The following COMMD1 variants were observed in gnomAD, a reference collection of about 807,000 sequenced individuals.
COMMD1 encodes the protein copper metabolism domain containing 1.
A neutral mutation model predicts 17.2 loss-of-function variants in COMMD1; 10 were observed. That is an observed-to-expected ratio of 0.58 (90% CI 0.36 to 0.99). COMMD1 has a LOEUF of 0.99. Ranked by LOEUF, COMMD1 falls within the 50% of genes least tolerant of loss-of-function variation. COMMD1 has a pLI of 0.01. For synonymous variants in COMMD1, 97 were observed against 91.6 expected (o/e 1.06, Z -0.34); for missense variants, 270 against 231.8 (o/e 1.17, Z -1.07).
Position 62,136,030 on chromosome 2 carries a change from G to A in COMMD1, c.*89G>A, listed in dbSNP as rs529035967. ...CTTTTCTAAGAAAATTCTTGTGCCC[G>A]CATTGGTATTAAATCCTCGCATTCA... On this transcript the variant is annotated 3_prime_UTR_variant, in exon 3 of 3. Coordinates refer to ENST00000311832, the MANE Select transcript of COMMD1 (RefSeq NM_152516.4). 58 of 748,612 alleles carry A rather than the reference G, an allele frequency of 7.7e-5. No individual in the cohort carries two copies. The Middle Eastern group carries it at 1.6e-3, about 21-fold the overall frequency. 46.4% of individuals were successfully genotyped at this position (748,612 alleles called of 1,614,324 possible). A position where few individuals can be genotyped will look rare whatever the true frequency, so the allele number is the denominator to read the frequency against.
intron 1 of COMMD1, among the ~76,000 whole-genome samples, chr2:61,891,457 C>T (rs1181496069): frequency 9.9e-5 from 15 of 152,116 alleles, no homozygotes; most frequent in Admixed American, 9.2e-4. Flanking sequence ...TAAACATGGC[C>T]GGGCGTGGTG....
At chr2:62,134,308 A>G in intron 2 of COMMD1, among the ~76,000 whole-genome samples, 1 of 152,336 alleles carries the variant, frequency 6.6e-6, no homozygotes, top group South Asian at 2.1e-4. Context: ...ACTGTCATCA[A>G]CAGAGGGACA....
chr2:62,031,791 A>G (rs1669913983), intron 2 of COMMD1, among the ~76,000 whole-genome samples: 1 of 152,216 alleles, frequency 6.6e-6, no homozygotes, highest in Non-Finnish European at 1.5e-5. Context: ...TTTGATCTCT[A>G]ACGAATTATA....
At chr2:62,117,258 A>G (rs1459566752) in intron 2 of COMMD1, among the ~76,000 whole-genome samples, 4 of 152,222 alleles carry the variant, frequency 2.6e-5, no homozygotes, top group African/African-American at 9.6e-5. Context: ...CATGCTAGAA[A>G]TCTACCAAAA....
At chr2:62,040,341 A>G (rs1215592481) in intron 2 of COMMD1, among the ~76,000 whole-genome samples, 1 of 152,208 alleles carries the variant, frequency 6.6e-6, no homozygotes, top group Non-Finnish European at 1.5e-5. Context: ...AAGGTCATAC[A>G]AGTTAGTAGC....
At chr2:61,920,985 T>TA in intron 1 of COMMD1, among the ~76,000 whole-genome samples, 1 of 112,608 alleles carries the variant, frequency 8.9e-6, no homozygotes, top group East Asian at 2.5e-4. Flanking sequence ...ATATATATTT[T>TA]TTTTTTTTTT....
At chr2:62,021,055 C>A (rs1669600709) in intron 2 of COMMD1, among the ~76,000 whole-genome samples, 1 of 151,934 alleles carries the variant, frequency 6.6e-6, no homozygotes, top group Admixed American at 6.6e-5. Flanking sequence ...TAAGTCACAC[C>A]TTTAAAATCT....
chr2:62,065,210 AAGT>A (rs1389304003), intron 2 of COMMD1, among the ~76,000 whole-genome samples: 1 of 152,104 alleles, frequency 6.6e-6, no homozygotes, highest in Non-Finnish European at 1.5e-5. Context: ...TTTCCTGGGT[AAGT>A]AGGCGATGAA....
intron 2 of COMMD1, among the ~76,000 whole-genome samples, chr2:62,015,228 C>A (rs535052705): frequency 6.6e-6 from 1 of 152,308 alleles, no homozygotes; most frequent in South Asian, 2.1e-4. Context: ...ACTTTTTTCT[C>A]TGTGTATTTG....
At chr2:61,984,471 A>G (rs1308621411) in intron 1 of COMMD1, among the ~76,000 whole-genome samples, 1 of 152,214 alleles carries the variant, frequency 6.6e-6, no homozygotes, top group African/African-American at 2.4e-5. Flanking sequence ...AGTTTCCAAA[A>G]TTCTTCTTGT....
intron 1 of COMMD1, among the ~76,000 whole-genome samples, chr2:61,985,476 A>G (rs1477103314): frequency 2.0e-5 from 3 of 152,100 alleles, no homozygotes; most frequent in Non-Finnish European, 2.9e-5. Context: ...ATTCAATGTT[A>G]TTATTGATAA....
chr2:62,020,957 T>G (rs1266590549), intron 2 of COMMD1, among the ~76,000 whole-genome samples: 3 of 151,198 alleles, frequency 2.0e-5, no homozygotes, highest in South Asian at 2.1e-4. Flanking sequence ...GAGCCGAGAT[T>G]GCGCCATTGC....
intron 2 of COMMD1, among the ~76,000 whole-genome samples, chr2:62,006,953 T>A (rs1051371732): frequency 6.6e-6 from 1 of 152,156 alleles, no homozygotes; most frequent in Non-Finnish European, 1.5e-5. Context: ...ATGTATTAGG[T>A]TTTCTTTTAT....
chr2:62,098,043 C>T (rs1257424848), intron 2 of COMMD1, among the ~76,000 whole-genome samples: 1 of 151,982 alleles, frequency 6.6e-6, no homozygotes, highest in Non-Finnish European at 1.5e-5. Context: ...CAAATTGCTT[C>T]CTCTTGGGGT....
intron 1 of COMMD1, among the ~76,000 whole-genome samples, chr2:61,927,806 A>G (rs1416522078): frequency 6.9e-6 from 1 of 144,220 alleles, no homozygotes; most frequent in South Asian, 2.2e-4. Flanking sequence ...ACTGAGTTTC[A>G]CTCTTGTTGC....
chr2:61,982,662 T>G (rs1287666582), intron 1 of COMMD1, among the ~76,000 whole-genome samples: 1 of 152,206 alleles, frequency 6.6e-6, no homozygotes, highest in Non-Finnish European at 1.5e-5. Flanking sequence ...GTTCTTTCTA[T>G]CCTGTTTGTT....
intron 2 of COMMD1, among the ~76,000 whole-genome samples, chr2:62,061,531 G>C (rs1175290560): frequency 1.7e-4 from 25 of 150,232 alleles, no homozygotes; most frequent in Non-Finnish European, 7.4e-5. Flanking sequence ...GTGGGTTTAT[G>C]TGTGGCTGTC....
intron 1 of COMMD1, among the ~76,000 whole-genome samples, chr2:61,939,044 C>T (rs886372873): frequency 6.6e-6 from 1 of 152,120 alleles, no homozygotes; most frequent in African/African-American, 2.4e-5. Flanking sequence ...GAAACAATTT[C>T]TCTCTCTAGA....
chr2:62,055,378 C>G (rs1001079595), intron 2 of COMMD1: 1 of 455,248 alleles, frequency 2.2e-6, no homozygotes, highest in Non-Finnish European at 4.4e-6. Flanking sequence ...GACTCTAAGA[C>G]TGCCAGCAAA....
Sources: gnomAD v4.1 joint callset for allele counts (sites outside exome capture counted in the v4.1 genomes callset) on GRCh38, gnomAD v4.1.1 for gene constraint, MANE v1.5 for transcripts, NCBI Gene and HGNC (gene_info 2026-07-23, HGNC 2026-07-21) for gene names.